SSBP2: variants seen among roughly 807,000 people sequenced by gnomAD.
SSBP2 encodes single-stranded DNA-binding protein 2.
SSBP2 carries 17 observed loss-of-function variants against 61.8 expected under a neutral mutation model. That is an observed-to-expected ratio of 0.28 (90% CI 0.19 to 0.41). The LOEUF (loss-of-function observed/expected upper bound fraction) is 0.41, where lower values mean the gene tolerates loss of function less well. Ranked by LOEUF, SSBP2 falls within the 10% of genes least tolerant of loss-of-function variation. SSBP2 has a pLI of 1.00. For synonymous variants in SSBP2, 139 were observed against 141.3 expected (o/e 0.98, Z 0.12); for missense variants, 310 against 458.7 (o/e 0.68, Z 2.96).
intron 15 of SSBP2, among the ~76,000 whole-genome samples, chr5:81,434,490 C>T (rs192124131): frequency 5.1e-4 from 77 of 151,926 alleles, no homozygotes; most frequent in African/African-American, 1.8e-3. Flanking sequence ...AACTCCGTCT[C>T]TACAGGCACA....
intron 1 of SSBP2, among the ~76,000 whole-genome samples, chr5:81,730,541 G>C (rs1410961934): frequency 6.6e-6 from 1 of 152,124 alleles, no homozygotes; most frequent in African/African-American, 2.4e-5. Context: ...TGTTTACATA[G>C]TCAAAAACAT....
chr5:81,467,101 G>T (rs1453036871), intron 8 of SSBP2, 36 bp from the exon 9 acceptor site: 3 of 1,433,932 alleles, frequency 2.1e-6, no homozygotes, highest in Non-Finnish European at 1.9e-6. Context: ...CAAAGAGGAG[G>T]GGGGAAAGAA....
At chr5:81,738,511 C>T (rs919101924) in intron 1 of SSBP2, among the ~76,000 whole-genome samples, 34 of 152,182 alleles carry the variant, frequency 2.2e-4, no homozygotes, top group Non-Finnish European at 4.1e-4. Context: ...TCCTCCCAAA[C>T]TTCTCCATCG....
intron 1 of SSBP2, among the ~76,000 whole-genome samples, chr5:81,700,279 C>A (rs1454583333): frequency 2.0e-5 from 3 of 152,116 alleles, no homozygotes; most frequent in Non-Finnish European, 2.9e-5. Context: ...TCTTAGGTGA[C>A]AAAGTGCACT....
At chr5:81,728,299 C>A (rs1002940623) in intron 1 of SSBP2, among the ~76,000 whole-genome samples, 6 of 152,128 alleles carry the variant, frequency 3.9e-5, no homozygotes, top group Admixed American at 3.3e-4. Flanking sequence ...AAAACGGCGA[C>A]AATACAGTGC....
At chr5:81,735,893 A>AAATGAC (rs1250782195) in intron 1 of SSBP2, among the ~76,000 whole-genome samples, 1 of 152,194 alleles carries the variant, frequency 6.6e-6, no homozygotes, top group Non-Finnish European at 1.5e-5. Flanking sequence ...ATCCTCTTAA[A>AAATGAC]AATGACAAAA....
rs547559977 is a variant in SSBP2 at position 81,575,995 on chromosome 5, AT to A, written c.282+39477del. Among the ~76,000 whole-genome samples the A allele has an allele frequency of 2.0e-5, 3 of 152,304 alleles. No homozygotes were observed. In the South Asian group the frequency reaches 6.2e-4, roughly 32 times the overall value. The stretch of plus-strand genomic sequence containing the variant: ...CACTTACCACATACCTTACTATCAG[AT>A]TTTAGATGACAGAGATGCTTTAGTT... On this transcript the variant is annotated intron_variant, in intron 4 of 16. Coordinates refer to ENST00000320672, the MANE Select transcript of SSBP2 (RefSeq NM_012446.5).
chr5:81,421,225 T>A (rs2153883993), intron 16 of SSBP2, among the ~76,000 whole-genome samples: 1 of 152,322 alleles, frequency 6.6e-6, no homozygotes, highest in East Asian at 1.9e-4. Flanking sequence ...AGGGTCTCAC[T>A]CTGTCACTCA....
At position 81,460,835 on chromosome 5, in the gene SSBP2, T is replaced by C. The variant is rs552780468; in HGVS notation, c.687+220A>G. Among the ~76,000 whole-genome samples, 49 of 152,194 alleles carry C rather than the reference T, an allele frequency of 3.2e-4. No homozygotes were observed. In the Middle Eastern group the frequency reaches 0.01, roughly 32 times the overall value. On this transcript the variant is annotated intron_variant, in intron 10 of 16. Transcript: ENST00000320672. ...TTATTTTTGAAAGTCTTGTTGACAATAGAATGCATGTTTACATTAGACCTT... is the reference window on the plus strand; with the variant it reads ...TTATTTTTGAAAGTCTTGTTGACAACAGAATGCATGTTTACATTAGACCTT...
chr5:81,439,976 A>C (rs182910973), intron 14 of SSBP2, among the ~76,000 whole-genome samples: 7 of 152,020 alleles, frequency 4.6e-5, no homozygotes, highest in Admixed American at 1.3e-4. Flanking sequence ...TGGCCTATAA[A>C]GTATGTTTTC....
intron 5 of SSBP2, among the ~76,000 whole-genome samples, chr5:81,505,086 T>C (rs756806683): frequency 6.6e-6 from 1 of 152,216 alleles, no homozygotes; most frequent in African/African-American, 2.4e-5. Flanking sequence ...CTACCTTTTA[T>C]CACATTCATG....
At position 81,420,331 on chromosome 5, in the gene SSBP2, A is replaced by C; in HGVS notation, c.*173T>G. ...CACTCCGTACAGTTGTTTGAATCACATTTGGACCCGCTTTCTTCACAAAAG... is the reference window on the plus strand; with the variant it reads ...CACTCCGTACAGTTGTTTGAATCACCTTTGGACCCGCTTTCTTCACAAAAG... On this transcript the variant is annotated 3_prime_UTR_variant, in exon 17 of 17. Coordinates refer to ENST00000320672, the MANE Select transcript of SSBP2 (RefSeq NM_012446.5). The C allele has an allele frequency of 1.6e-6, 1 of 644,276 alleles. No homozygotes were observed. Among genetic ancestry groups the C allele is most frequent in the Non-Finnish European group, 2.8e-6 (1 of 362,538 alleles). 39.9% of individuals were successfully genotyped at this position (644,276 alleles called of 1,614,324 possible). A position where few individuals can be genotyped will look rare whatever the true frequency, so the allele number is the denominator to read the frequency against.
intron 4 of SSBP2, among the ~76,000 whole-genome samples, chr5:81,591,474 TA>T (rs1197527000): frequency 6.6e-6 from 1 of 152,140 alleles, no homozygotes; most frequent in Non-Finnish European, 1.5e-5. Context: ...ACAACAAAGT[TA>T]TTGGAACTAT....
At chr5:81,533,428 TAAGAA>T (rs1770569606) in intron 4 of SSBP2, among the ~76,000 whole-genome samples, 1 of 151,904 alleles carries the variant, frequency 6.6e-6, no homozygotes, top group Non-Finnish European at 1.5e-5. Flanking sequence ...AAAGGAAATG[TAAGAA>T]AAGAAAACAC....
chr5:81,717,685 T>C (rs1755252106), intron 1 of SSBP2, among the ~76,000 whole-genome samples: 1 of 152,222 alleles, frequency 6.6e-6, no homozygotes. Flanking sequence ...GTACATTTGT[T>C]CAAGACTTTC....
intron 1 of SSBP2, among the ~76,000 whole-genome samples, chr5:81,651,376 T>C (rs1355894714): frequency 6.6e-6 from 1 of 152,150 alleles, no homozygotes; most frequent in East Asian, 1.9e-4. Context: ...TGAAAACATA[T>C]CATGCATCTG....
chr5:81,614,666 GC>G, intron 4 of SSBP2, among the ~76,000 whole-genome samples: 1 of 152,234 alleles, frequency 6.6e-6, no homozygotes, highest in East Asian at 1.9e-4. Flanking sequence ...TCAGGCTCCA[GC>G]CCCAATTCAC....
intron 5 of SSBP2, among the ~76,000 whole-genome samples, chr5:81,500,195 G>C (rs1211633672): frequency 6.6e-6 from 1 of 152,218 alleles, no homozygotes; most frequent in Admixed American, 6.5e-5. Context: ...TATTGAACTA[G>C]GTAAGATGTT....
At chr5:81,744,125 A>G (rs1757206491) in intron 1 of SSBP2, among the ~76,000 whole-genome samples, 1 of 152,242 alleles carries the variant, frequency 6.6e-6, no homozygotes, top group African/African-American at 2.4e-5. Flanking sequence ...GACAAGTGCC[A>G]AACAAACAAG....
Sources: gnomAD v4.1 joint callset for allele counts (sites outside exome capture counted in the v4.1 genomes callset) on GRCh38, gnomAD v4.1.1 for gene constraint, MANE v1.5 for transcripts, NCBI Gene and HGNC (gene_info 2026-07-23, HGNC 2026-07-21) for gene names.